Variants in SGCA observed in about 807,000 individuals in gnomAD.
SGCA encodes sarcoglycan alpha.
Under a neutral mutation model 38.1 loss-of-function variants are expected in SGCA, and 34 were observed. That is an observed-to-expected ratio of 0.89 (90% CI 0.68 to 1.19). The LOEUF (loss-of-function observed/expected upper bound fraction) is 1.19, where lower values mean the gene tolerates loss of function less well. SGCA is among the 50% of genes most tolerant of loss of function. SGCA has a pLI of 0.00. For synonymous variants in SGCA, 209 were observed against 214.6 expected (o/e 0.97, Z 0.23); for missense variants, 476 against 524.9 (o/e 0.91, Z 0.91).
chr17:50,171,899 G>A (rs1905448818), intron 8 of SGCA: 1 of 456,800 alleles, frequency 2.2e-6, no homozygotes. Context: ...CTTCTGGCAG[G>A]GTTTGGCACA....
At chr17:50,169,832 T>C in intron 6 of SGCA, 1 of 487,640 alleles carries the variant, frequency 2.1e-6, no homozygotes, top group South Asian at 2.1e-5. Context: ...CTTGAGCACT[T>C]GCTATGTGCT....
chr17:50,167,983 C>T lies in SGCA; in HGVS notation c.349C>T (p.Arg117Trp), dbSNP rs200075504. The T allele has an allele frequency of 3.4e-5, 55 of 1,614,190 alleles. No individual in the cohort carries two copies. The highest frequency in any genetic ancestry group is 1.1e-4 in the East Asian group (5 of 44,890). The change falls in exon 4 of 10, where the codon CGG becomes TGG. Residue 117 changes from arginine to tryptophan, a missense_variant. Physicochemically the swap from Arg to Trp is moderately radical, Grantham distance 101 (BLOSUM62 -3). Transcript: ENST00000262018. The surrounding 1 kb of genome is among the most constrained non-coding windows in gnomAD (Gnocchi z 4.5). ...CAATCGGGACAGCTTTGATACCACT[C>T]GGCAGAGGCTGGTGCTGGAGATTGG... ...AYNRDSFDTT[R>W]QRLVLEIGDP...
chr17:50,166,157 G>A (rs759446037), intron 1 of SGCA, 80 bp downstream of exon 1: 2 of 1,213,098 alleles, frequency 1.6e-6, no homozygotes, highest in Admixed American at 1.7e-5. Context: ...GGTGTGGAGG[G>A]CCCACAGAAG....
chr17:50,170,661 C>T lies in SGCA; in HGVS notation c.978C>T (p.Thr326=), dbSNP rs747187312. 15 of 1,560,492 alleles carry T rather than the reference C, an allele frequency of 9.6e-6. No individual in the cohort carries two copies. The African/African-American group carries it at 1.8e-4, about 18-fold the overall frequency. ...REGRLKRDLA[T]SDIQMVHHCT... Reference sequence around the variant, plus strand: ...ACAGGCTGAAGAGAGACCTGGCTACCTCCGAGTGAGTAAAGGAAAGCTGGG... The same window carrying T: ...ACAGGCTGAAGAGAGACCTGGCTACTTCCGAGTGAGTAAAGGAAAGCTGGG... The change falls in exon 8 of 10, where the codon ACC becomes ACT. Residue 326 remains threonine (T), a synonymous_variant. Coordinates refer to ENST00000262018, the MANE Select transcript of SGCA (RefSeq NM_000023.4).
rs557631989 is a variant in SGCA, at chr17:50,175,842, G to A, written c.*143G>A. On this transcript the variant is annotated 3_prime_UTR_variant, in exon 10 of 10. Coordinates refer to ENST00000262018, the MANE Select transcript of SGCA (RefSeq NM_000023.4). ...CTAAACAAGCAGGGAGAGGGGGTGG[G>A]GTGGGGTGAGAGTGTGTGGAGTAAG... 1.8e-4 allele frequency: 88 copies of A among 475,690 alleles called. 2 individuals carry two copies. The highest frequency in any genetic ancestry group is 9.1e-4 in the South Asian group (59 of 64,736). The allele number at this position is 475,690 out of a possible 1,614,324, so 29.5% of individuals were successfully genotyped here. A position where few individuals can be genotyped will look rare whatever the true frequency, so the allele number is the denominator to read the frequency against.
Position 50,172,117 on chromosome 17 carries a change from G to T in SGCA, c.983+1451G>T, listed in dbSNP as rs79284438. The T allele has an allele frequency of 4.2e-3, 1,897 of 456,340 alleles. 32 individuals are homozygous for T. The highest frequency in any genetic ancestry group is 0.034 in the African/African-American group (1,718 of 50,182). 28.3% of individuals were successfully genotyped at this position (456,340 alleles called of 1,614,324 possible). A position where few individuals can be genotyped will look rare whatever the true frequency, so the allele number is the denominator to read the frequency against. On this transcript the variant is annotated intron_variant, in intron 8 of 9. Transcript: ENST00000262018. Reference sequence around the variant, plus strand: ...GGCTGCCCCTCACAGGATGGCTGAGGTGTGTCCCGGTTCCTGGTCCTCGCT... The same window carrying T: ...GGCTGCCCCTCACAGGATGGCTGAGTTGTGTCCCGGTTCCTGGTCCTCGCT...
rs751086043 is a variant in SGCA, at chr17:50,167,750, C to T, written c.312+14C>T. On this transcript the variant is annotated intron_variant, in intron 3 of 9. Transcript: ENST00000262018. The surrounding 1 kb of genome is among the most constrained non-coding windows in gnomAD (Gnocchi z 4.5). ...CAGGTCATTGAGGTGCCGTCAGGGACCCTGAGAAAATCACAGGGGTGGGCC... is the reference window on the plus strand; with the variant it reads ...CAGGTCATTGAGGTGCCGTCAGGGATCCTGAGAAAATCACAGGGGTGGGCC... The T allele has an allele frequency of 3.7e-6, 6 of 1,603,922 alleles. No individual in the cohort carries two copies. In the South Asian group the frequency reaches 6.6e-5, roughly 18 times the overall value.
At chr17:50,171,787 G>A (rs909949691) in intron 8 of SGCA, 8 of 456,638 alleles carry the variant, frequency 1.8e-5, no homozygotes, top group South Asian at 3.1e-5. Flanking sequence ...GGGCCATGTC[G>A]TAGCCCGTGG....
chr17:50,167,901 C>A lies in SGCA; in HGVS notation c.313-46C>A. 6.3e-7 allele frequency: 1 copy of A among 1,591,304 alleles called. No homozygotes were observed. Among genetic ancestry groups the A allele is most frequent in the Non-Finnish European group, 8.6e-7 (1 of 1,159,268 alleles). The stretch of plus-strand genomic sequence containing the variant: ...CTCCTGCCAGGCCCCCGCTGTGCCA[C>A]GTTTCTCCCCTAACCCACTTCTCAG... On this transcript the variant is annotated intron_variant, in intron 3 of 9. Coordinates refer to ENST00000262018, the MANE Select transcript of SGCA (RefSeq NM_000023.4). This position sits in a 1 kb window ranked among gnomAD's most constrained non-coding sequence, Gnocchi z 4.5.
chr17:50,175,196 C>T, intron 8 of SGCA, 61 bp from the exon 9 acceptor site: 1 of 1,514,132 alleles, frequency 6.6e-7, no homozygotes, highest in Admixed American at 1.9e-5. Context: ...AGAGGCAGTT[C>T]CAGGCTGTAC....
chr17:50,166,576 GCTCCT>G (rs1567737626), intron 1 of SGCA, among the ~76,000 whole-genome samples: 53 of 151,778 alleles, frequency 3.5e-4, no homozygotes, highest in African/African-American at 1.3e-3. Flanking sequence ...TCCTCTGTAG[GCTCCT>G]GGCCCCGTCT....
intron 8 of SGCA, among the ~76,000 whole-genome samples, chr17:50,174,693 G>T (rs1413334382): frequency 6.6e-6 from 1 of 152,042 alleles, no homozygotes; most frequent in Non-Finnish European, 1.5e-5. Flanking sequence ...GCAAACTAAG[G>T]CATGGAGTGG....
Position 50,167,646 on chromosome 17 carries a change from G to A in SGCA, c.222G>A (p.Arg74=). ...AHLQGHPDLP[R]WLRYTQRSPH... ...TCCAGGGACACCCAGACCTGCCCCG[G>A]TGGCTCCGCTACACCCAGCGCAGCC... Residue 74 remains arginine, a synonymous_variant, in exon 3 of 10, where the codon CGG becomes CGA. Coordinates refer to ENST00000262018, the MANE Select transcript of SGCA (RefSeq NM_000023.4). The surrounding 1 kb of genome is among the most constrained non-coding windows in gnomAD (Gnocchi z 4.5). The A allele has an allele frequency of 6.2e-7, 1 of 1,613,840 alleles. No homozygotes were observed. Among genetic ancestry groups the A allele is most frequent in the Non-Finnish European group, 8.5e-7 (1 of 1,179,978 alleles).
In SGCA at chr17:50,175,435, T is replaced by C; in HGVS notation, c.1162T>C (p.Ter388ArgextTer11). 6.2e-7 allele frequency: 1 copy of C among 1,613,060 alleles called. No homozygotes were observed. The highest frequency in any genetic ancestry group is 8.5e-7 in the Non-Finnish European group (1 of 1,179,916). ...GGTGCCCCTCATTCTGGACCAGCAC[T>C]GACAGCCTAGCCAGGTAGGTCTGGT... ...AQVPLILDQH[*>R] is the part of the protein sequence containing the mutation. The change falls in exon 9 of 10, where the codon TGA (stop) becomes CGA (arginine). Residue 388 changes from the stop codon to arginine, a stop_lost. Transcript: ENST00000262018.
rs141256127 is a variant in SGCA at position 50,172,519 on chromosome 17, C to T, written c.983+1853C>T. 8.1e-4 allele frequency: 271 copies of T among 336,220 alleles called. 3 individuals are homozygous for T. The highest frequency in any genetic ancestry group is 5.3e-3 in the African/African-American group (245 of 46,624). 20.8% of individuals were successfully genotyped at this position (336,220 alleles called of 1,614,324 possible). On this transcript the variant is annotated intron_variant, in intron 8 of 9. Coordinates refer to ENST00000262018, the MANE Select transcript of SGCA (RefSeq NM_000023.4). ...TTTTAGAGAGAGGGTCTCACTTTGT[C>T]ACCCAAGCTGGAGCACAGTGGCATA...
At chr17:50,169,732 CA>C (rs1489563745) in intron 6 of SGCA, 2 of 346,384 alleles carry the variant, frequency 5.8e-6, no homozygotes, top group African/African-American at 4.2e-5. Flanking sequence ...CACAGGATCC[CA>C]CGGCTGGTGT....
intron 8 of SGCA, among the ~76,000 whole-genome samples, chr17:50,174,090 A>C (rs1381860829): frequency 6.6e-6 from 1 of 152,146 alleles, no homozygotes; most frequent in Non-Finnish European, 1.5e-5. Context: ...AGGCAGAGGC[A>C]GGAGGGTCCC....
intron 8 of SGCA, chr17:50,171,619 G>A (rs1256349284): frequency 4.4e-6 from 2 of 456,714 alleles, no homozygotes; most frequent in Non-Finnish European, 8.8e-6. Flanking sequence ...GCGCTGCCCA[G>A]AGCGCCACCT....
In SGCA at chr17:50,175,366, G is replaced by T; in HGVS notation, c.1093G>T (p.Val365Leu). Residue 365 changes from valine to leucine, a missense_variant, in exon 9 of 10, where the codon GTG becomes TTG. Transcript: ENST00000262018. Reference protein sequence around the residue: ...RPLSTLPMFNVHTGERLPPRV... With the variant: ...RPLSTLPMFNLHTGERLPPRV... The stretch of plus-strand genomic sequence containing the variant: ...ACTCTCCACCCTGCCCATGTTCAAT[G>T]TGCACACAGGTGAGCGGCTGCCTCC... The T allele has an allele frequency of 6.2e-7, 1 of 1,612,936 alleles. No homozygotes were observed. Among genetic ancestry groups the T allele is most frequent in the Non-Finnish European group, 8.5e-7 (1 of 1,179,976 alleles).
Sources: gnomAD v4.1 joint callset for allele counts (sites outside exome capture counted in the v4.1 genomes callset) on GRCh38, gnomAD v4.1.1 for gene constraint, Gnocchi (gnomAD v3.1) non-coding constraint, MANE v1.5 for transcripts, NCBI Gene and HGNC (gene_info 2026-07-23, HGNC 2026-07-21) for gene names.